CD44: variants seen among roughly 807,000 people sequenced by gnomAD.
CD44 encodes the protein CD44 molecule (IN blood group), also known as CD44 antigen.
Under a neutral mutation model 88.8 loss-of-function variants are expected in CD44, and 49 were observed. The observed-to-expected ratio is 0.55, with a 90% CI of 0.44 to 0.70. CD44 has a LOEUF of 0.70. Among genes scored for constraint, CD44 ranks in the 30% least tolerant of loss-of-function variants. The pLI is 0.00. For synonymous variants in CD44, 325 were observed against 312.3 expected, an observed-to-expected ratio of 1.04 and a Z score of -0.43; for missense variants, 883 against 913.8, an observed-to-expected ratio of 0.97 and a Z score of 0.43.
In CD44 at chr11:35,230,771, G is replaced by T. The variant is rs1018927210; in HGVS notation, c.*1438G>T. The T allele has an allele frequency of 1.3e-5, 2 of 152,164 alleles. No homozygotes were observed. The highest frequency in any genetic ancestry group is 4.8e-5 in the African/African-American group (2 of 41,420). 9.4% of individuals were successfully genotyped at this position (152,164 alleles called of 1,614,324 possible). A position where few individuals can be genotyped will look rare whatever the true frequency, so the allele number is the denominator to read the frequency against. ...TTGTGGCATTTATTCATCAGTCAGG[G>T]TGTCCGATTGGTCCTAGAACTTCCA... On this transcript the variant is annotated 3_prime_UTR_variant, in exon 18 of 18. Coordinates refer to ENST00000428726, the MANE Select transcript of CD44 (RefSeq NM_000610.4).
At chr11:35,167,522 T>C (rs1345009211) in intron 1 of CD44, among the ~76,000 whole-genome samples, 1 of 152,210 alleles carries the variant, frequency 6.6e-6, no homozygotes, top group Non-Finnish European at 1.5e-5. Flanking sequence ...TGCAATCTGT[T>C]TTGGACATGA....
chr11:35,162,757 G>A (rs1942785980), intron 1 of CD44, among the ~76,000 whole-genome samples: 1 of 152,006 alleles, frequency 6.6e-6, no homozygotes, highest in Non-Finnish European at 1.5e-5. Flanking sequence ...CCTCTGTAGG[G>A]CTTCTGCTTG....
intron 1 of CD44, among the ~76,000 whole-genome samples, chr11:35,171,337 C>T (rs1591032717): frequency 6.6e-6 from 1 of 152,300 alleles, no homozygotes; most frequent in African/African-American, 2.4e-5. Flanking sequence ...TCTTGCAACT[C>T]CTAAGTAGCT....
intron 1 of CD44, among the ~76,000 whole-genome samples, chr11:35,161,421 C>T (rs1482664074): frequency 1.3e-5 from 2 of 152,264 alleles, no homozygotes; most frequent in Middle Eastern, 3.4e-3. Context: ...TGCAATCTCA[C>T]AATACAATGA....
intron 16 of CD44, among the ~76,000 whole-genome samples, chr11:35,221,197 A>G (rs1046240698): frequency 1.3e-5 from 2 of 152,214 alleles, no homozygotes; most frequent in Non-Finnish European, 2.9e-5. Context: ...TGCGTAATGC[A>G]ATAGATGTAC....
At chr11:35,183,299 T>C (rs1204320249) in intron 3 of CD44, among the ~76,000 whole-genome samples, 1 of 151,210 alleles carries the variant, frequency 6.6e-6, no homozygotes, top group Non-Finnish European at 1.5e-5. Flanking sequence ...CTACATTTCT[T>C]GTCTTAAAGG....
At chr11:35,139,905 C>G (rs1857565156) in intron 1 of CD44, among the ~76,000 whole-genome samples, 1 of 152,268 alleles carries the variant, frequency 6.6e-6, no homozygotes, top group Non-Finnish European at 1.5e-5. Context: ...CAGCTCCCCA[C>G]TGAGCCTTGT....
rs558461255 is a variant in CD44 at position 35,183,148 on chromosome 11, C to T, written c.367+2741C>T. On this transcript the variant is annotated intron_variant, in intron 3 of 17. Coordinates refer to ENST00000428726, the MANE Select transcript of CD44 (RefSeq NM_000610.4). Reference sequence around the variant, plus strand: ...AATAAAGCTAGAAGTAATATTTTTCCTTTTGTCTATTTTCCAAATTGACTC... The same window carrying T: ...AATAAAGCTAGAAGTAATATTTTTCTTTTTGTCTATTTTCCAAATTGACTC... Among the ~76,000 whole-genome samples the T allele has an allele frequency of 7.2e-5, 11 of 152,120 alleles. No homozygotes were observed. In the East Asian group the frequency reaches 1.9e-3, roughly 27 times the overall value.
At chr11:35,202,985 C>A (rs1197120281) in intron 9 of CD44, among the ~76,000 whole-genome samples, 1 of 152,116 alleles carries the variant, frequency 6.6e-6, no homozygotes, top group Non-Finnish European at 1.5e-5. Context: ...AAATAATGAG[C>A]CTATTGTCAA....
intron 1 of CD44, among the ~76,000 whole-genome samples, chr11:35,152,226 A>T (rs573894249): frequency 6.6e-6 from 1 of 152,282 alleles, no homozygotes; most frequent in Non-Finnish European, 1.5e-5. Context: ...CAAGTCAAGA[A>T]GGTTGGATTT....
At chr11:35,191,227 G>A (rs1946240930) in intron 5 of CD44, among the ~76,000 whole-genome samples, 1 of 152,178 alleles carries the variant, frequency 6.6e-6, no homozygotes, top group African/African-American at 2.4e-5. Flanking sequence ...TCACCCAGAA[G>A]CCAGGGAAAC....
intron 1 of CD44, among the ~76,000 whole-genome samples, chr11:35,153,601 A>G (rs1941470700): frequency 1.3e-5 from 2 of 152,204 alleles, no homozygotes; most frequent in African/African-American, 4.8e-5. Flanking sequence ...CACTGGGGAT[A>G]CCACTGTAGA....
intron 1 of CD44, among the ~76,000 whole-genome samples, chr11:35,155,368 C>T (rs960390955): frequency 6.6e-6 from 1 of 152,136 alleles, no homozygotes; most frequent in African/African-American, 2.4e-5. Context: ...AGTCCATTTA[C>T]CTGCTAGAGT....
intron 5 of CD44, among the ~76,000 whole-genome samples, chr11:35,191,573 A>G (rs1946277313): frequency 6.6e-6 from 1 of 152,144 alleles, no homozygotes; most frequent in African/African-American, 2.4e-5. Flanking sequence ...GCTTATCATT[A>G]TGGTAGGCAA....
chr11:35,224,767 C>A (rs961224488), intron 17 of CD44, among the ~76,000 whole-genome samples: 3 of 151,980 alleles, frequency 2.0e-5, no homozygotes, highest in Non-Finnish European at 4.4e-5. Context: ...AAACAAAAAC[C>A]TATCTTATTT....
chr11:35,164,556 C>T (rs937073606), intron 1 of CD44, among the ~76,000 whole-genome samples: 18 of 152,164 alleles, frequency 1.2e-4, no homozygotes, highest in African/African-American at 4.1e-4. Flanking sequence ...TGACCTTTTG[C>T]TTCTCTCCAT....
At chr11:35,141,847 A>G (rs1858026589) in intron 1 of CD44, among the ~76,000 whole-genome samples, 1 of 152,164 alleles carries the variant, frequency 6.6e-6, no homozygotes. Context: ...GGGGCTGGGC[A>G]TGGTGTGGGT....
chr11:35,143,295 C>T (rs1040859278), intron 1 of CD44, among the ~76,000 whole-genome samples: 2 of 151,484 alleles, frequency 1.3e-5, no homozygotes, highest in South Asian at 2.1e-4. Context: ...TGCTGTGGTA[C>T]CATATGGTCC....
At chr11:35,175,136 G>A (rs1944320160) in intron 1 of CD44, among the ~76,000 whole-genome samples, 1 of 152,182 alleles carries the variant, frequency 6.6e-6, no homozygotes, top group Non-Finnish European at 1.5e-5. Context: ...AGAGAGGAAG[G>A]CAGATACAAA....
Sources: gnomAD v4.1 joint callset for allele counts (sites outside exome capture counted in the v4.1 genomes callset) on GRCh38, gnomAD v4.1.1 for gene constraint, MANE v1.5 for transcripts, NCBI Gene and HGNC (gene_info 2026-07-23, HGNC 2026-07-21) for gene names.